The following SOX5 variants were observed in gnomAD, a reference collection of about 807,000 sequenced individuals.
SOX5 encodes transcription factor SOX-5.
SOX5 carries 9 observed loss-of-function variants against 92.0 expected under a neutral mutation model. The ratio of observed to expected loss-of-function variants is 0.10; its 90% CI spans 0.06 to 0.17. SOX5 has a LOEUF of 0.17. Ranked by LOEUF, SOX5 falls within the 10% of genes least tolerant of loss-of-function variation. The pLI is 1.00. For synonymous variants in SOX5, 344 were observed against 336.3 expected, an observed-to-expected ratio of 1.02 and a Z score of -0.25; for missense variants, 642 against 944.5, an observed-to-expected ratio of 0.68 and a Z score of 4.20.
intron 9 of SOX5, among the ~76,000 whole-genome samples, chr12:23,594,374 C>A (rs1263890702): frequency 6.6e-6 from 1 of 152,088 alleles, no homozygotes; most frequent in Non-Finnish European, 1.5e-5. Flanking sequence ...GACCACTATC[C>A]TCAGGTCCTA....
At chr12:23,994,937 C>G (rs953710879) in intron 4 of SOX5, among the ~76,000 whole-genome samples, 1 of 152,106 alleles carries the variant, frequency 6.6e-6, no homozygotes, top group Non-Finnish European at 1.5e-5. Flanking sequence ...GATCACAAAG[C>G]GACATAAATT....
rs145535144 is a variant in SOX5, at chr12:24,481,856, C to A, written c.-251+80473G>T. The stretch of plus-strand genomic sequence containing the variant: ...AGGGTCTCAGTGAAGTCTGGCTCAT[C>A]TGCTGGCATGGTACCTAAATTTAAC... On this transcript the variant is annotated intron_variant, in intron 1 of 4. Transcript: ENST00000446891. 2.6e-3 allele frequency among the ~76,000 whole-genome samples: 400 copies of A among 152,276 alleles called. 2 individuals carry two copies. The highest frequency in any genetic ancestry group is 5.1e-3 in the Non-Finnish European group (345 of 68,026).
At chr12:24,344,006 C>T (rs1438060634) in intron 2 of SOX5, among the ~76,000 whole-genome samples, 5 of 151,854 alleles carry the variant, frequency 3.3e-5, no homozygotes, top group African/African-American at 4.8e-5. Context: ...TCACATAGGC[C>T]GGGTGCAGGG....
intron 4 of SOX5, among the ~76,000 whole-genome samples, chr12:24,050,820 A>G (rs565456830): frequency 1.6e-4 from 25 of 152,180 alleles, no homozygotes; most frequent in Non-Finnish European, 2.2e-4. Context: ...TAGTTGTTCA[A>G]TAAATGAAGC....
intron 1 of SOX5, among the ~76,000 whole-genome samples, chr12:24,499,564 T>G (rs1349824377): frequency 6.6e-6 from 1 of 152,172 alleles, no homozygotes; most frequent in Non-Finnish European, 1.5e-5. Context: ...GCTAACATTA[T>G]GGAGGGTCTT....
chr12:24,409,502 C>T (rs1376902373), intron 1 of SOX5, among the ~76,000 whole-genome samples: 1 of 151,984 alleles, frequency 6.6e-6, no homozygotes, highest in East Asian at 1.9e-4. Context: ...TGAATAAAGT[C>T]ATAAACATTT....
intron 2 of SOX5, among the ~76,000 whole-genome samples, chr12:24,305,124 A>C (rs1421320011): frequency 6.6e-6 from 1 of 152,170 alleles, no homozygotes; most frequent in African/African-American, 2.4e-5. Context: ...AGAGTCGATA[A>C]TTATGTTATT....
At chr12:24,120,455 T>C (rs761282435) in intron 4 of SOX5, among the ~76,000 whole-genome samples, 4 of 152,192 alleles carry the variant, frequency 2.6e-5, no homozygotes, top group Admixed American at 6.5e-5. Context: ...ATCCAGAGAG[T>C]AAAAGTGCTT....
intron 1 of SOX5, among the ~76,000 whole-genome samples, chr12:24,454,384 A>T (rs1942746342): frequency 6.6e-6 from 1 of 152,160 alleles, no homozygotes; most frequent in African/African-American, 2.4e-5. Flanking sequence ...TCTTCCATGA[A>T]ATTGCATGCT....
intron 3 of SOX5, among the ~76,000 whole-genome samples, chr12:24,248,681 G>A (rs1939402570): frequency 6.6e-6 from 1 of 152,096 alleles, no homozygotes; most frequent in Non-Finnish European, 1.5e-5. Context: ...CACTGCGCCT[G>A]GCCCTTCTTT....
At chr12:23,890,195 CTG>C (rs905821018) in intron 2 of SOX5, among the ~76,000 whole-genome samples, 5 of 151,930 alleles carry the variant, frequency 3.3e-5, no homozygotes, top group African/African-American at 9.7e-5. Context: ...TGGCGGGTGC[CTG>C]TAATCCTGGC....
chr12:23,784,327 T>A (rs1490209364), intron 3 of SOX5, among the ~76,000 whole-genome samples: 1 of 152,082 alleles, frequency 6.6e-6, no homozygotes, highest in African/African-American at 2.4e-5. Flanking sequence ...ATTTTATTCA[T>A]TTTATTTTTT....
At chr12:24,529,815 C>T (rs961443593) in intron 1 of SOX5, among the ~76,000 whole-genome samples, 1 of 152,008 alleles carries the variant, frequency 6.6e-6, no homozygotes, top group Non-Finnish European at 1.5e-5. Context: ...GTCAGGAGAT[C>T]GAGATCATCC....
At chr12:24,096,203 G>A (rs1945394500) in intron 4 of SOX5, among the ~76,000 whole-genome samples, 1 of 152,060 alleles carries the variant, frequency 6.6e-6, no homozygotes, top group Admixed American at 6.6e-5. Context: ...GTACCGTGGT[G>A]GTTTGCTGCA....
chr12:24,374,499 CCACACACACACACACATACACA>C (rs1259051646), intron 1 of SOX5, among the ~76,000 whole-genome samples: 4 of 145,458 alleles, frequency 2.7e-5, no homozygotes, highest in African/African-American at 1.1e-4. Flanking sequence ...CTCCAGACCA[CCACACACACACACACATACACA>C]CACACACACA....
chr12:24,442,616 G>A (rs1940816878), intron 1 of SOX5, among the ~76,000 whole-genome samples: 1 of 152,198 alleles, frequency 6.6e-6, no homozygotes, highest in South Asian at 2.1e-4. Context: ...AAAACTAGGA[G>A]GTGGTAAGGG....
intron 2 of SOX5, among the ~76,000 whole-genome samples, chr12:24,335,293 C>T (rs1471503792): frequency 6.6e-6 from 1 of 152,100 alleles, no homozygotes; most frequent in East Asian, 1.9e-4. Context: ...TTGCTTCCTT[C>T]TCAAATCATT....
At chr12:24,399,248 C>T (rs1189068648) in intron 1 of SOX5, among the ~76,000 whole-genome samples, 1 of 152,084 alleles carries the variant, frequency 6.6e-6, no homozygotes, top group Non-Finnish European at 1.5e-5. Context: ...ACAGCGTCTC[C>T]CCATACCTGG....
At chr12:23,804,555 C>G (rs2095722390) in intron 3 of SOX5, among the ~76,000 whole-genome samples, 2 of 152,100 alleles carry the variant, frequency 1.3e-5, no homozygotes, top group South Asian at 4.1e-4. Flanking sequence ...GCTTCTCAAT[C>G]CTAACCTCTC....
Sources: gnomAD v4.1 joint callset for allele counts (sites outside exome capture counted in the v4.1 genomes callset) on GRCh38, gnomAD v4.1.1 for gene constraint, MANE v1.5 for transcripts, NCBI Gene and HGNC (gene_info 2026-07-23, HGNC 2026-07-21) for gene names.